DPYSL2: variants seen among roughly 807,000 people sequenced by gnomAD.
DPYSL2 encodes dihydropyrimidinase like 2, also known as dihydropyrimidinase-related protein 2.
In DPYSL2, 13 loss-of-function variants were observed where a neutral mutation model predicts 69.9. The ratio of observed to expected loss-of-function variants is 0.19; its 90% CI spans 0.12 to 0.30. DPYSL2 has a LOEUF of 0.30. Among genes scored for constraint, DPYSL2 ranks in the 10% least tolerant of loss-of-function variants. The pLI, the probability that DPYSL2 is intolerant of heterozygous loss-of-function variation, is 1.00. For synonymous variants in DPYSL2, 326 were observed against 359.1 expected (o/e 0.91, Z 1.04); for missense variants, 587 against 918.9 (o/e 0.64, Z 4.67).
intron 1 of DPYSL2, among the ~76,000 whole-genome samples, chr8:26,515,192 C>G (rs1474157622): frequency 6.6e-6 from 1 of 152,210 alleles, no homozygotes; most frequent in African/African-American, 2.4e-5. Flanking sequence ...GTCCCGAGCT[C>G]CGAGGCCAGG....
intron 1 of DPYSL2, among the ~76,000 whole-genome samples, chr8:26,522,308 AAAACAAACAAAC>A (rs60448291): frequency 6.6e-6 from 1 of 151,202 alleles, no homozygotes; most frequent in African/African-American, 2.4e-5. Flanking sequence ...ACTCTGTCTC[AAAACAAACAAAC>A]AAACAAACAA....
chr8:26,625,690 G>T (rs1002513806), intron 4 of DPYSL2, among the ~76,000 whole-genome samples: 1 of 152,112 alleles, frequency 6.6e-6, no homozygotes, highest in Admixed American at 6.5e-5. Flanking sequence ...AAATCAGCAT[G>T]GAAGGCAGTC....
chr8:26,655,586 C>T, intron 13 of DPYSL2, 29 bp from the exon 14 acceptor site: 4 of 1,577,830 alleles, frequency 2.5e-6, no homozygotes, highest in Non-Finnish European at 3.5e-6. Context: ...TGGCCCCTCA[C>T]CCGCTCCTCT....
chr8:26,535,598 G>A (rs17319277), intron 1 of DPYSL2, among the ~76,000 whole-genome samples: 10,410 of 150,332 alleles, frequency 0.069, 443 homozygotes, highest in South Asian at 0.22. Flanking sequence ...GTTTGGGCCC[G>A]TTTATACAAA....
intron 1 of DPYSL2, among the ~76,000 whole-genome samples, chr8:26,524,801 C>CAAAAAAAAAAA (rs753822230): frequency 4.9e-5 from 2 of 41,086 alleles, no homozygotes; most frequent in East Asian, 1.0e-3. Flanking sequence ...GACTCTGTCT[C>CAAAAAAAAAAA]AAAAAAAAAA....
chr8:26,514,801 C>A lies in DPYSL2; in HGVS notation c.354+122C>A. 1 of 890,488 alleles carries A rather than the reference C, an allele frequency of 1.1e-6. No individual in the cohort carries two copies. Among genetic ancestry groups the A allele is most frequent in the Non-Finnish European group, 1.6e-6 (1 of 640,756 alleles). The allele number at this position is 890,488 out of a possible 1,614,324, so 55.2% of individuals were successfully genotyped here. A position where few individuals can be genotyped will look rare whatever the true frequency, so the allele number is the denominator to read the frequency against. ...CTGGACCTCGCCTCCCGCATCTGCA[C>A]GCGCACCCCGCCCTACCCGCCCCTT... On this transcript the variant is annotated intron_variant, in intron 1 of 13. Coordinates refer to ENST00000521913, the MANE Select transcript of DPYSL2 (RefSeq NM_001197293.3). The surrounding 1 kb of genome is among the most constrained non-coding windows in gnomAD (Gnocchi z 8.4).
chr8:26,559,128 A>C (rs1801035070), intron 1 of DPYSL2, among the ~76,000 whole-genome samples: 1 of 152,028 alleles, frequency 6.6e-6, no homozygotes, highest in African/African-American at 2.4e-5. Context: ...ATTTTAGTAG[A>C]GTTGGGGTTT....
rs1340885236 is a variant in DPYSL2, at chr8:26,624,824, A to C, written c.793+517A>C. Among the ~76,000 whole-genome samples the C allele has an allele frequency of 6.6e-6, 1 of 152,062 alleles. No homozygotes were observed. The highest frequency in any genetic ancestry group is 2.4e-5 in the African/African-American group (1 of 41,374). On this transcript the variant is annotated intron_variant, in intron 4 of 13. Coordinates refer to ENST00000521913, the MANE Select transcript of DPYSL2 (RefSeq NM_001197293.3). This position sits in a 1 kb window ranked among gnomAD's most constrained non-coding sequence, Gnocchi z 4.7. ...TTCCCTAGAATTATTTTGGAGAACA[A>C]ATTTCCAGGGATTGGGAAGATTCAC...
intron 3 of DPYSL2, among the ~76,000 whole-genome samples, chr8:26,618,481 G>GTT (rs11287159): frequency 3.0e-4 from 28 of 94,162 alleles, no homozygotes; most frequent in Admixed American, 3.6e-4. Context: ...CCCGGGTAAT[G>GTT]TTTTTTTTTT....
At position 26,609,679 on chromosome 8, in the gene DPYSL2, C is replaced by T. The variant is rs935436926; in HGVS notation, c.629-14464C>T. On this transcript the variant is annotated intron_variant, in intron 3 of 13. Transcript: ENST00000521913. The surrounding 1 kb of genome is among the most constrained non-coding windows in gnomAD (Gnocchi z 6.5). ...CTGGACGCTGCCGGCTGCCACCCGT[C>T]GCTGAGCTGGAGCTCCCCAGAGTGC... Among the ~76,000 whole-genome samples, 10 of 152,212 alleles carry T rather than the reference C, an allele frequency of 6.6e-5. No homozygotes were observed. In the East Asian group the frequency reaches 9.6e-4, roughly 15 times the overall value.
At position 26,588,231 on chromosome 8, in the gene DPYSL2, G is replaced by T. The variant is rs554948327; in HGVS notation, c.628+4248G>T. Among the ~76,000 whole-genome samples the T allele has an allele frequency of 7.9e-5, 12 of 152,330 alleles. No individual in the cohort carries two copies. The highest frequency in any genetic ancestry group is 2.9e-4 in the African/African-American group (12 of 41,572). ...GAGAAACAGGCTGAGCTGCCGTAGGGCTTGACCTGAGTATTCACTGAGAGC... is the reference window on the plus strand; with the variant it reads ...GAGAAACAGGCTGAGCTGCCGTAGGTCTTGACCTGAGTATTCACTGAGAGC... On this transcript the variant is annotated intron_variant, in intron 3 of 13. Coordinates refer to ENST00000521913, the MANE Select transcript of DPYSL2 (RefSeq NM_001197293.3). This position sits in a 1 kb window ranked among gnomAD's most constrained non-coding sequence, Gnocchi z 5.4.
intron 1 of DPYSL2, among the ~76,000 whole-genome samples, chr8:26,554,432 G>A (rs11135941): frequency 0.88 from 133,824 of 151,396 alleles, 59,422 homozygotes; most frequent in East Asian, 0.99. Flanking sequence ...TGCCAGATGC[G>A]TAGTTTGCAA....
chr8:26,554,192 T>C (rs1800909922), intron 1 of DPYSL2, among the ~76,000 whole-genome samples: 1 of 152,098 alleles, frequency 6.6e-6, no homozygotes. Flanking sequence ...CTGGCCATTT[T>C]TTGGCTTTTT....
At chr8:26,600,083 G>A (rs1801957023) in intron 3 of DPYSL2, among the ~76,000 whole-genome samples, 1 of 152,198 alleles carries the variant, frequency 6.6e-6, no homozygotes, top group South Asian at 2.1e-4. Flanking sequence ...GTTGTAATAT[G>A]TATCAATACT....
intron 3 of DPYSL2, among the ~76,000 whole-genome samples, chr8:26,615,915 TAC>T (rs1802336682): frequency 6.6e-6 from 1 of 152,210 alleles, no homozygotes. Context: ...ACCTAAATAC[TAC>T]ACAGTGTTTT....
intron 1 of DPYSL2, among the ~76,000 whole-genome samples, chr8:26,523,385 A>G (rs1204791996): frequency 3.3e-5 from 5 of 152,158 alleles, no homozygotes; most frequent in African/African-American, 1.2e-4. Flanking sequence ...GACGTTAAGT[A>G]TATTCACATT....
chr8:26,521,204 T>C (rs1462675756), intron 1 of DPYSL2, among the ~76,000 whole-genome samples: 3 of 152,218 alleles, frequency 2.0e-5, no homozygotes, highest in Admixed American at 1.3e-4. Flanking sequence ...ACACAAATAC[T>C]GTCTTACGTG....
Position 26,642,509 on chromosome 8 carries a change from G to C in DPYSL2, c.1127-930G>C, listed in dbSNP as rs985991091. ...GGAAGTGTCATGCGGAATGAATGGA[G>C]AGGTAGGAAGCGGGGTTGGGAGAGC... On this transcript the variant is annotated intron_variant, in intron 8 of 13. Coordinates refer to ENST00000521913, the MANE Select transcript of DPYSL2 (RefSeq NM_001197293.3). This position sits in a 1 kb window ranked among gnomAD's most constrained non-coding sequence, Gnocchi z 5.3. 6.6e-6 allele frequency among the ~76,000 whole-genome samples: 1 copy of C among 152,202 alleles called. No homozygotes were observed. Among genetic ancestry groups the C allele is most frequent in the Admixed American group, 6.5e-5 (1 of 15,280 alleles).
At position 26,520,982 on chromosome 8, in the gene DPYSL2, G is replaced by A. The variant is rs147963802; in HGVS notation, c.354+6303G>A. Among the ~76,000 whole-genome samples the A allele has an allele frequency of 2.9e-3, 436 of 152,188 alleles. 1 individual carries two copies. Among genetic ancestry groups the A allele is most frequent in the African/African-American group, 0.01 (420 of 41,488 alleles). ...CTCATGGCCTATGTTCGTCCGAAAG[G>A]CCCTACCTGTTAATACCATTCCACT... On this transcript the variant is annotated intron_variant, in intron 1 of 13. Coordinates refer to ENST00000521913, the MANE Select transcript of DPYSL2 (RefSeq NM_001197293.3).
Sources: gnomAD v4.1 joint callset for allele counts (sites outside exome capture counted in the v4.1 genomes callset) on GRCh38, gnomAD v4.1.1 for gene constraint, Gnocchi (gnomAD v3.1) non-coding constraint, MANE v1.5 for transcripts, NCBI Gene and HGNC (gene_info 2026-07-23, HGNC 2026-07-21) for gene names.